CDKAL1: variants seen among roughly 807,000 people sequenced by gnomAD.
CDKAL1 encodes CDKAL1 threonylcarbamoyladenosine tRNA methylthiotransferase, also known as threonylcarbamoyladenosine tRNA methylthiotransferase.
In CDKAL1, 32 loss-of-function variants were observed where a neutral mutation model predicts 68.2. That is an observed-to-expected ratio of 0.47 (90% CI 0.35 to 0.63). The LOEUF (loss-of-function observed/expected upper bound fraction) is 0.63. Ranked by LOEUF, CDKAL1 falls within the 30% of genes least tolerant of loss-of-function variation. The pLI is 0.00. For missense variants in CDKAL1, 606 were observed against 696.7 expected (o/e 0.87, Z 1.47); for synonymous variants, 234 against 244.3 (o/e 0.96, Z 0.39).
At chr6:21,229,301 A>T (rs1398656090) in intron 15 of CDKAL1, among the ~76,000 whole-genome samples, 1 of 152,048 alleles carries the variant, frequency 6.6e-6, no homozygotes, top group Non-Finnish European at 1.5e-5. Context: ...TTCAAATCCT[A>T]TTGATTCTAC....
At chr6:20,894,794 G>T (rs1336434526) in intron 9 of CDKAL1, among the ~76,000 whole-genome samples, 1 of 152,182 alleles carries the variant, frequency 6.6e-6, no homozygotes, top group Non-Finnish European at 1.5e-5. Flanking sequence ...GATATTTTGA[G>T]TCCATGGGTT....
chr6:20,986,528 G>T (rs150396490), intron 10 of CDKAL1, among the ~76,000 whole-genome samples: 1 of 151,012 alleles, frequency 6.6e-6, no homozygotes, highest in African/African-American at 2.4e-5. Flanking sequence ...TATTTTATGC[G>T]TTTTTTTTCT....
chr6:20,649,211 C>G (rs1470559029), intron 4 of CDKAL1, 82 bp from the exon 5 acceptor site: 1 of 885,376 alleles, frequency 1.1e-6, no homozygotes. Context: ...TCTCCCCTAC[C>G]GCAGCAATCC....
intron 13 of CDKAL1, among the ~76,000 whole-genome samples, chr6:21,133,307 A>G (rs1231615997): frequency 6.6e-6 from 1 of 152,192 alleles, no homozygotes; most frequent in Non-Finnish European, 1.5e-5. Context: ...AAAATAATTA[A>G]ACAGCTTCTT....
At chr6:20,772,698 T>G (rs1307760630) in intron 7 of CDKAL1, 1 of 152,226 alleles carries the variant, frequency 6.6e-6, no homozygotes, top group African/African-American at 2.4e-5. Flanking sequence ...CTTTCCATGT[T>G]CTCTTCCATA....
At chr6:20,708,093 A>G (rs2127826268) in intron 5 of CDKAL1, among the ~76,000 whole-genome samples, 1 of 152,312 alleles carries the variant, frequency 6.6e-6, no homozygotes. Context: ...TCAAGTGCTT[A>G]TGACTTATCT....
At chr6:20,910,486 C>T (rs925116343) in intron 9 of CDKAL1, among the ~76,000 whole-genome samples, 1 of 152,098 alleles carries the variant, frequency 6.6e-6, no homozygotes, top group African/African-American at 2.4e-5. Flanking sequence ...AAAATAGATT[C>T]GTGGTGCAGA....
At chr6:20,919,045 C>A (rs1430932749) in intron 9 of CDKAL1, among the ~76,000 whole-genome samples, 2 of 152,116 alleles carry the variant, frequency 1.3e-5, no homozygotes. Flanking sequence ...CGTGAGAACT[C>A]AGCAAAAACT....
intron 9 of CDKAL1, among the ~76,000 whole-genome samples, chr6:20,883,042 T>C (rs1337957217): frequency 6.6e-6 from 1 of 152,238 alleles, no homozygotes; most frequent in Admixed American, 6.5e-5. Context: ...AGATAATTTT[T>C]CTTTGCTCAT....
chr6:20,625,369 T>C (rs1767380960), intron 4 of CDKAL1, among the ~76,000 whole-genome samples: 1 of 152,128 alleles, frequency 6.6e-6, no homozygotes, highest in Admixed American at 6.6e-5. Flanking sequence ...TACGCATCCA[T>C]TTTGCATTTT....
At chr6:20,916,751 G>C (rs1339823655) in intron 9 of CDKAL1, among the ~76,000 whole-genome samples, 1 of 152,062 alleles carries the variant, frequency 6.6e-6, no homozygotes, top group Non-Finnish European at 1.5e-5. Context: ...ATCCAAAAAG[G>C]CTATCACTAA....
At chr6:20,852,920 A>G (rs1037878265) in intron 9 of CDKAL1, among the ~76,000 whole-genome samples, 23 of 152,230 alleles carry the variant, frequency 1.5e-4, no homozygotes, top group African/African-American at 5.5e-4. Context: ...GGTATTCCTG[A>G]ACACTGCAAT....
chr6:21,180,874 C>T (rs1186659714), intron 13 of CDKAL1, among the ~76,000 whole-genome samples: 1 of 152,122 alleles, frequency 6.6e-6, no homozygotes, highest in Admixed American at 6.5e-5. Context: ...AGAAACTTGT[C>T]TTAGTCTTTT....
chr6:20,833,535 T>C (rs974972877), intron 8 of CDKAL1, among the ~76,000 whole-genome samples: 1 of 152,140 alleles, frequency 6.6e-6, no homozygotes, highest in Non-Finnish European at 1.5e-5. Flanking sequence ...TGTAGCTCTT[T>C]ATGGTCTTGC....
chr6:20,778,512 A>G (rs1478439716), intron 7 of CDKAL1, among the ~76,000 whole-genome samples: 2 of 152,248 alleles, frequency 1.3e-5, no homozygotes, highest in South Asian at 2.1e-4. Context: ...GGGTGTATGT[A>G]TGGAAAGAGA....
chr6:21,229,368 C>T (rs988271731), intron 15 of CDKAL1, among the ~76,000 whole-genome samples: 8 of 152,136 alleles, frequency 5.3e-5, no homozygotes, highest in African/African-American at 1.9e-4. Context: ...CATTATCTCC[C>T]ATTTCATCTG....
chr6:20,857,811 T>C (rs1035029491), intron 9 of CDKAL1, among the ~76,000 whole-genome samples: 7 of 152,216 alleles, frequency 4.6e-5, no homozygotes, highest in African/African-American at 1.2e-4. Context: ...GTGATAGATA[T>C]AGGCCCCAGC....
intron 8 of CDKAL1, among the ~76,000 whole-genome samples, chr6:20,814,886 A>G (rs1260479823): frequency 1.3e-5 from 2 of 152,150 alleles, no homozygotes; most frequent in East Asian, 1.9e-4. Context: ...AGTGTTAATG[A>G]TAGCTGAACT....
intron 15 of CDKAL1, among the ~76,000 whole-genome samples, chr6:21,211,716 G>A (rs1779156741): frequency 6.6e-6 from 1 of 152,104 alleles, no homozygotes; most frequent in Non-Finnish European, 1.5e-5. Context: ...GAAGATATGG[G>A]TGAATACTAG....
Sources: gnomAD v4.1 joint callset for allele counts (sites outside exome capture counted in the v4.1 genomes callset) on GRCh38, gnomAD v4.1.1 for gene constraint, MANE v1.5 for transcripts, NCBI Gene and HGNC (gene_info 2026-07-23, HGNC 2026-07-21) for gene names.